Variants in ST8SIA2 observed in about 807,000 individuals in gnomAD.
ST8SIA2 encodes the protein ST8 alpha-N-acetyl-neuraminide alpha-2,8-sialyltransferase 2.
Under a neutral mutation model 37.6 loss-of-function variants are expected in ST8SIA2, and 22 were observed. The observed-to-expected ratio is 0.58, with a 90% CI of 0.42 to 0.83. The LOEUF (loss-of-function observed/expected upper bound fraction) is 0.83. Ranked by LOEUF, ST8SIA2 falls within the 40% of genes least tolerant of loss-of-function variation. The pLI is 0.00. For missense variants in ST8SIA2, 382 were observed against 484.7 expected (o/e 0.79, Z 1.99); for synonymous variants, 205 against 201.2 (o/e 1.02, Z -0.16).
At chr15:92,455,339 G>C (rs558817907) in intron 5 of ST8SIA2, among the ~76,000 whole-genome samples, 49 of 152,290 alleles carry the variant, frequency 3.2e-4, no homozygotes, top group African/African-American at 1.2e-3. Flanking sequence ...CCCGGCATTT[G>C]TGTGTAATGG....
chr15:92,401,550 T>C (rs1225849348), intron 1 of ST8SIA2, among the ~76,000 whole-genome samples: 1 of 152,136 alleles, frequency 6.6e-6, no homozygotes, highest in Non-Finnish European at 1.5e-5. Context: ...CATGTGTCTG[T>C]ATTACACGTT....
Position 92,413,614 on chromosome 15 carries a change from C to T in ST8SIA2, c.99-16435C>T, listed in dbSNP as rs535626067. On this transcript the variant is annotated intron_variant, in intron 1 of 5. Transcript: ENST00000268164. ...GTACTGCCCTATTCCAGATGTGTCC[C>T]GGGAAGCCCTTTGTGTGCCAGGGTG... 3.3e-4 allele frequency among the ~76,000 whole-genome samples: 50 copies of T among 152,278 alleles called. No individual in the cohort carries two copies. The South Asian group carries it at 1.0e-2, about 30-fold the overall frequency.
At chr15:92,394,450 G>A (rs1879853188) in intron 1 of ST8SIA2, among the ~76,000 whole-genome samples, 1 of 152,160 alleles carries the variant, frequency 6.6e-6, no homozygotes. Flanking sequence ...CCTGCCTGGC[G>A]TGTCCAAGCG....
intron 1 of ST8SIA2, among the ~76,000 whole-genome samples, chr15:92,428,066 G>A (rs887077959): frequency 6.6e-6 from 1 of 152,170 alleles, no homozygotes; most frequent in Non-Finnish European, 1.5e-5. Context: ...CCTGGTACTC[G>A]TCGTGATAAT....
chr15:92,418,462 CAAAAAAA>C (rs34061544), intron 1 of ST8SIA2, among the ~76,000 whole-genome samples: 1 of 100,062 alleles, frequency 1.0e-5, no homozygotes, highest in Admixed American at 1.0e-4. Flanking sequence ...GACCCTCCCT[CAAAAAAA>C]AAAAAAAAAA....
chr15:92,453,290 G>C (rs1177407250), intron 5 of ST8SIA2, among the ~76,000 whole-genome samples: 4 of 151,916 alleles, frequency 2.6e-5, no homozygotes, highest in African/African-American at 9.7e-5. Flanking sequence ...AACCAGCCAC[G>C]GGGCTTGGTG....
rs7182771 is a variant in ST8SIA2 at position 92,445,120 on chromosome 15, T to C, written c.842+191T>C. The C allele has an allele frequency of 3.5e-4, 276 of 789,648 alleles. 3 individuals carry two copies. The African/African-American group carries it at 4.2e-3, about 12-fold the overall frequency. 48.9% of individuals were successfully genotyped at this position (789,648 alleles called of 1,614,324 possible). ...GAGGGGGTTTGGCAAGTGGGTTTCATCTGGCATGCCAATTTTGACCAATGG... is the reference window on the plus strand; with the variant it reads ...GAGGGGGTTTGGCAAGTGGGTTTCACCTGGCATGCCAATTTTGACCAATGG... On this transcript the variant is annotated intron_variant, in intron 5 of 5. Transcript: ENST00000268164.
intron 1 of ST8SIA2, among the ~76,000 whole-genome samples, chr15:92,407,547 T>C (rs1001377222): frequency 3.9e-5 from 6 of 152,186 alleles, no homozygotes; most frequent in Non-Finnish European, 8.8e-5. Flanking sequence ...ACAGTTGGCG[T>C]ATGCAGTCAC....
chr15:92,426,452 C>T lies in ST8SIA2; in HGVS notation c.99-3597C>T, dbSNP rs142011744. 3.1e-4 allele frequency among the ~76,000 whole-genome samples: 47 copies of T among 152,140 alleles called. 2 individuals are homozygous for T. In the East Asian group the frequency reaches 8.3e-3, roughly 27 times the overall value. On this transcript the variant is annotated intron_variant, in intron 1 of 5. Coordinates refer to ENST00000268164, the MANE Select transcript of ST8SIA2 (RefSeq NM_006011.4). ...ATATCTCCACCAAAATATCGAGTGC[C>T]GAGGTTGAGAACCCCTGAGTTTGAG...
chr15:92,463,773 A>G (rs1324286539), intron 5 of ST8SIA2, among the ~76,000 whole-genome samples: 2 of 152,194 alleles, frequency 1.3e-5, no homozygotes, highest in Non-Finnish European at 2.9e-5. Flanking sequence ...GCCTGAGTTC[A>G]AGTCAAGTGC....
chr15:92,445,246 C>T (rs62021046), intron 5 of ST8SIA2: 175,465 of 458,738 alleles, frequency 0.38, 35,918 homozygotes, highest in South Asian at 0.51. Flanking sequence ...GGAGAGATGG[C>T]GGCTGGCAAG....
chr15:92,449,588 T>C (rs1161645938), intron 5 of ST8SIA2, among the ~76,000 whole-genome samples: 1 of 152,248 alleles, frequency 6.6e-6, no homozygotes, highest in Non-Finnish European at 1.5e-5. Context: ...AAACAGCTTT[T>C]CACAGTGGCT....
intron 5 of ST8SIA2, 41 bp from the exon 6 acceptor site, chr15:92,464,059 C>T: frequency 1.3e-6 from 2 of 1,519,348 alleles, no homozygotes; most frequent in Non-Finnish European, 1.8e-6. Context: ...ACTCACAGAC[C>T]CATGTTTCTT....
chr15:92,468,298 G>A lies in ST8SIA2; in HGVS notation c.*3913G>A, dbSNP rs2050007627. 1 of 152,644 alleles carries A rather than the reference G, an allele frequency of 6.6e-6. No homozygotes were observed. Among genetic ancestry groups the A allele is most frequent in the African/African-American group, 2.4e-5 (1 of 41,446 alleles). The allele number at this position is 152,644 out of a possible 1,614,324, so 9.5% of individuals were successfully genotyped here. ...TCTGACATTACAGACCACCGGATAA[G>A]GCCCCATTCTTCCTTTACACCCTCC... is the stretch of plus-strand genomic sequence containing the variant. On this transcript the variant is annotated 3_prime_UTR_variant, in exon 6 of 6. Transcript: ENST00000268164.
At chr15:92,432,816 C>G (rs532198896) in intron 2 of ST8SIA2, among the ~76,000 whole-genome samples, 1 of 152,222 alleles carries the variant, frequency 6.6e-6, no homozygotes, top group Admixed American at 6.5e-5. Flanking sequence ...CACCCCTAAG[C>G]GAAGTCCTTC....
At chr15:92,440,075 G>C (rs1434224022) in intron 4 of ST8SIA2, among the ~76,000 whole-genome samples, 1 of 152,158 alleles carries the variant, frequency 6.6e-6, no homozygotes, top group Non-Finnish European at 1.5e-5. Flanking sequence ...AATTTTGAGA[G>C]GCAGATTTTG....
chr15:92,394,681 C>T (rs964823009), intron 1 of ST8SIA2, among the ~76,000 whole-genome samples: 7 of 152,150 alleles, frequency 4.6e-5, no homozygotes, highest in Non-Finnish European at 1.0e-4. Context: ...GCGGAATGTC[C>T]CCTGCACACA....
chr15:92,426,722 T>C (rs77865937), intron 1 of ST8SIA2, among the ~76,000 whole-genome samples: 73 of 152,324 alleles, frequency 4.8e-4, no homozygotes, highest in African/African-American at 1.6e-3. Context: ...ACAGCATAAC[T>C]ACAGTTAATA....
At chr15:92,436,494 C>T (rs369333121) in intron 3 of ST8SIA2, among the ~76,000 whole-genome samples, 13 of 152,296 alleles carry the variant, frequency 8.5e-5, no homozygotes, top group East Asian at 5.8e-4. Context: ...AAAGATTCTG[C>T]AAGTGATTTG....
Sources: allele counts gnomAD v4.1 joint callset (sites outside exome capture counted in the v4.1 genomes callset), GRCh38; gene constraint gnomAD v4.1.1; transcripts MANE v1.5; gene names NCBI Gene and HGNC (gene_info 2026-07-23, HGNC 2026-07-21).